Variants in PITPNC1 observed in about 807,000 individuals in gnomAD.
PITPNC1 encodes cytoplasmic phosphatidylinositol transfer protein 1.
Under a neutral mutation model 44.7 loss-of-function variants are expected in PITPNC1, and 18 were observed. That is an observed-to-expected ratio of 0.40 (90% CI 0.28 to 0.60). PITPNC1 has a LOEUF of 0.60. PITPNC1 is among the 20% of genes least tolerant of loss of function. The pLI is 0.39. For missense variants in PITPNC1, 290 were observed against 418.4 expected (o/e 0.69, Z 2.68); for synonymous variants, 141 against 149.6 (o/e 0.94, Z 0.42).
At chr17:67,654,484 G>A (rs1211084196) in intron 6 of PITPNC1, among the ~76,000 whole-genome samples, 1 of 152,174 alleles carries the variant, frequency 6.6e-6, no homozygotes, top group Non-Finnish European at 1.5e-5. Context: ...TTTGAACAAA[G>A]TGCACTACAG....
chr17:67,383,781 G>A (rs899856629), intron 1 of PITPNC1, among the ~76,000 whole-genome samples: 4 of 152,230 alleles, frequency 2.6e-5, no homozygotes, highest in Non-Finnish European at 4.4e-5. Context: ...GCTCATGCCT[G>A]TAATCCCAGC....
At chr17:67,590,306 C>A (rs2041373267) in intron 5 of PITPNC1, among the ~76,000 whole-genome samples, 1 of 152,146 alleles carries the variant, frequency 6.6e-6, no homozygotes, top group South Asian at 2.1e-4. Flanking sequence ...GAGAAAAAGA[C>A]CTTTCCCAAG....
intron 4 of PITPNC1, among the ~76,000 whole-genome samples, chr17:67,557,519 G>A (rs2040854149): frequency 6.6e-6 from 1 of 152,072 alleles, no homozygotes; most frequent in Admixed American, 6.6e-5. Flanking sequence ...ATTGTTCCTG[G>A]CTAGTTCACT....
chr17:67,468,832 G>T (rs1468934122), intron 1 of PITPNC1, among the ~76,000 whole-genome samples: 2 of 150,732 alleles, frequency 1.3e-5, no homozygotes, highest in East Asian at 2.0e-4. Flanking sequence ...AGGTTCAAGC[G>T]ATTCTCCTGC....
intron 1 of PITPNC1, among the ~76,000 whole-genome samples, chr17:67,463,550 G>A (rs1241850338): frequency 6.6e-6 from 1 of 152,120 alleles, no homozygotes; most frequent in East Asian, 1.9e-4. Context: ...AAAGAGCATC[G>A]CTGATATCAG....
chr17:67,602,912 T>C lies in PITPNC1; in HGVS notation c.366+24655T>C, dbSNP rs1012740214. Among the ~76,000 whole-genome samples, 130 of 142,948 alleles carry C rather than the reference T, an allele frequency of 9.1e-4. 1 individual carries two copies. Among genetic ancestry groups the C allele is most frequent in the Non-Finnish European group, 5.8e-4 (38 of 65,324 alleles). 93.8% of individuals were successfully genotyped at this position (142,948 alleles called of 152,430 possible). On this transcript the variant is annotated intron_variant, in intron 5 of 8. Coordinates refer to ENST00000581322, the MANE Select transcript of PITPNC1 (RefSeq NM_012417.4). Reference sequence around the variant, plus strand: ...CCACCATGCCCAGCTAATTTTGATATTTTTTTTTTGTAGAGATGGGGTTTT... The same window carrying C: ...CCACCATGCCCAGCTAATTTTGATACTTTTTTTTTGTAGAGATGGGGTTTT...
At chr17:67,623,531 T>C (rs1444032873) in intron 5 of PITPNC1, among the ~76,000 whole-genome samples, 3 of 152,160 alleles carry the variant, frequency 2.0e-5, no homozygotes, top group Non-Finnish European at 4.4e-5. Flanking sequence ...ACTACAGGCA[T>C]ACGCCACCAT....
intron 2 of PITPNC1, among the ~76,000 whole-genome samples, chr17:67,543,776 A>G (rs2040639684): frequency 6.6e-6 from 1 of 152,188 alleles, no homozygotes; most frequent in African/African-American, 2.4e-5. Context: ...GATATATAGT[A>G]CATTATGATG....
intron 4 of PITPNC1, among the ~76,000 whole-genome samples, chr17:67,556,476 A>G (rs1178189548): frequency 6.6e-6 from 1 of 152,206 alleles, no homozygotes; most frequent in Non-Finnish European, 1.5e-5. Context: ...TGGCAAATTT[A>G]TGGGAGAGAG....
chr17:67,692,908 G>T lies in PITPNC1; in HGVS notation c.*20G>T. 1 of 1,398,674 alleles carries T rather than the reference G, an allele frequency of 7.1e-7. No individual in the cohort carries two copies. Among genetic ancestry groups the T allele is most frequent in the South Asian group, 1.2e-5 (1 of 80,260 alleles). 86.6% of individuals were successfully genotyped at this position (1,398,674 alleles called of 1,614,324 possible). ...GAGTAACTTTATATAAATATCTCAT[G>T]GGGTTTTATATTTTCATTTGTTGTT... On this transcript the variant is annotated 3_prime_UTR_variant, in exon 9 of 9. Coordinates refer to ENST00000581322, the MANE Select transcript of PITPNC1 (RefSeq NM_012417.4).
At chr17:67,509,594 AT>A (rs1374426413) in intron 1 of PITPNC1, among the ~76,000 whole-genome samples, 142 of 150,876 alleles carry the variant, frequency 9.4e-4, no homozygotes, top group African/African-American at 3.1e-3. Context: ...AAATAAATAA[AT>A]AAATAAAACG....
intron 1 of PITPNC1, among the ~76,000 whole-genome samples, chr17:67,499,860 A>G (rs988137832): frequency 5.9e-5 from 9 of 152,256 alleles, no homozygotes; most frequent in African/African-American, 1.9e-4. Context: ...TGATGTTTGC[A>G]CGACAGAATC....
Position 67,599,026 on chromosome 17 carries a change from ATATATATATTT to A in PITPNC1, c.366+20771_366+20781del, listed in dbSNP as rs1214883045. On this transcript the variant is annotated intron_variant, in intron 5 of 8. Transcript: ENST00000581322. ...CATATATATATATATATATATATATATATATATATTTTTTTTTTTTTTTTTTTTACCATGTT... is the reference window on the plus strand; with the variant it reads ...CATATATATATATATATATATATATATTTTTTTTTTTTTTTTTACCATGTT... Among the ~76,000 whole-genome samples, 261 of 32,370 alleles carry A rather than the reference ATATATATATTT, an allele frequency of 8.1e-3. 3 individuals carry two copies. Among genetic ancestry groups the A allele is most frequent in the African/African-American group, 0.011 (73 of 6,892 alleles). The allele number at this position is 32,370 out of a possible 152,430, so 21.2% of individuals were successfully genotyped here.
chr17:67,627,371 A>C (rs532358339), intron 5 of PITPNC1, among the ~76,000 whole-genome samples: 12 of 152,364 alleles, frequency 7.9e-5, no homozygotes, highest in African/African-American at 2.9e-4. Context: ...TATTTACTAC[A>C]AAGTTCAAGT....
intron 1 of PITPNC1, among the ~76,000 whole-genome samples, chr17:67,526,720 G>A (rs867538308): frequency 2.0e-5 from 3 of 150,652 alleles, no homozygotes; most frequent in African/African-American, 4.9e-5. Context: ...GACAGAGAGC[G>A]AGACTCCATC....
chr17:67,689,773 A>G (rs2042886849), intron 8 of PITPNC1, among the ~76,000 whole-genome samples: 1 of 152,208 alleles, frequency 6.6e-6, no homozygotes, highest in Non-Finnish European at 1.5e-5. Flanking sequence ...GAGTAGAACA[A>G]TGTATTCAGC....
intron 1 of PITPNC1, among the ~76,000 whole-genome samples, chr17:67,391,086 T>TGTGTGTGTGTGTGTG (rs377703515): frequency 1.3e-5 from 2 of 151,746 alleles, no homozygotes; most frequent in African/African-American, 4.8e-5. Context: ...TGTGTGTGTG[T>TGTGTGTGTGTGTGTG]TTAATCTTTT....
At chr17:67,628,966 G>A (rs1326408427) in intron 5 of PITPNC1, among the ~76,000 whole-genome samples, 1 of 152,168 alleles carries the variant, frequency 6.6e-6, no homozygotes, top group East Asian at 1.9e-4. Flanking sequence ...AAGGAGAAAT[G>A]CTTACAGGGT....
chr17:67,502,744 C>CATTGCATTGCATTGCATTGT (rs1313719754), intron 1 of PITPNC1, among the ~76,000 whole-genome samples: 15 of 137,922 alleles, frequency 1.1e-4, no homozygotes, highest in African/African-American at 4.3e-4. Flanking sequence ...CATTGCATTG[C>CATTGCATTGCATTGCATTGT]ATTGTATTGT....
Sources: gnomAD v4.1 joint callset for allele counts (sites outside exome capture counted in the v4.1 genomes callset) on GRCh38, gnomAD v4.1.1 for gene constraint, MANE v1.5 for transcripts, NCBI Gene and HGNC (gene_info 2026-07-23, HGNC 2026-07-21) for gene names.